The following GOLGA4 variants were observed in gnomAD, a reference collection of about 807,000 sequenced individuals.
GOLGA4 encodes golgin A4.
GOLGA4 carries 169 observed loss-of-function variants against 265.9 expected under a neutral mutation model. That is an observed-to-expected ratio of 0.64 (90% CI 0.56 to 0.72). The LOEUF is 0.72. Ranked by LOEUF, GOLGA4 falls within the 30% of genes least tolerant of loss-of-function variation. The pLI is 0.00. For synonymous variants in GOLGA4, 923 were observed against 855.8 expected, an observed-to-expected ratio of 1.08 and a Z score of -1.37; for missense variants, 2,482 against 2,483.4, an observed-to-expected ratio of 1.00 and a Z score of 0.01.
At chr3:37,299,663 A>G (rs1025548348) in intron 9 of GOLGA4, among the ~76,000 whole-genome samples, 1 of 152,232 alleles carries the variant, frequency 6.6e-6, no homozygotes, top group Non-Finnish European at 1.5e-5. Flanking sequence ...GAGAAAAGTT[A>G]TTTATAGTTA....
intron 1 of GOLGA4, among the ~76,000 whole-genome samples, chr3:37,248,558 A>G (rs1418673700): frequency 1.3e-5 from 2 of 152,184 alleles, no homozygotes; most frequent in African/African-American, 4.8e-5. Context: ...GCACTGTTAT[A>G]TACTTTATAC....
At chr3:37,254,784 G>A (rs1434009114) in intron 2 of GOLGA4, among the ~76,000 whole-genome samples, 1 of 150,456 alleles carries the variant, frequency 6.6e-6, no homozygotes, top group African/African-American at 2.4e-5. Flanking sequence ...TTACGGGCGC[G>A]AGCCACTGTG....
At chr3:37,354,847 A>G (rs1257526322) in intron 21 of GOLGA4, among the ~76,000 whole-genome samples, 1 of 152,170 alleles carries the variant, frequency 6.6e-6, no homozygotes, top group East Asian at 1.9e-4. Context: ...GGCCAAGAGC[A>G]TTAGAATTTT....
chr3:37,288,680 A>T (rs2096856898), intron 4 of GOLGA4, among the ~76,000 whole-genome samples: 2 of 150,728 alleles, frequency 1.3e-5, no homozygotes, highest in Non-Finnish European at 3.0e-5. Context: ...GGGTTTCACC[A>T]TATTAGCCAG....
intron 19 of GOLGA4, 55 bp from the exon 20 acceptor site, chr3:37,340,069 C>A: frequency 1.3e-6 from 1 of 744,816 alleles, no homozygotes; most frequent in East Asian, 2.8e-5. Context: ...CTTTCTTTTT[C>A]TTACATACAG....
Position 37,326,472 on chromosome 3 carries a change from A to G in GOLGA4, c.4586A>G (p.Glu1529Gly), listed in dbSNP as rs2096971135. 1.2e-6 allele frequency: 2 copies of G among 1,609,394 alleles called. No individual in the cohort carries two copies. Among genetic ancestry groups the G allele is most frequent in the Non-Finnish European group, 1.7e-6 (2 of 1,177,946 alleles). The change falls in exon 14 of 24, where the codon GAA becomes GGA. Residue 1529 changes from glutamate (E) to glycine (G), a missense_variant. This residue lies in a region of GOLGA4 where 942 missense variants were observed against 983.1 expected (regional missense o/e 0.96). Transcript: ENST00000361924. The part of the protein sequence containing the change: ...ELKSQTARIM[E>G]LEDHITQKTI... ...AAGTCTCAAACAGCAAGAATTATGG[A>G]ATTAGAGGACCATATTACCCAGAAA... is the stretch of plus-strand genomic sequence containing the variant.
chr3:37,299,548 T>C (rs2096887409), intron 9 of GOLGA4, among the ~76,000 whole-genome samples, 177 bp downstream of exon 9: 1 of 152,226 alleles, frequency 6.6e-6, no homozygotes, highest in South Asian at 2.1e-4. Context: ...TTGTGTCATG[T>C]AAAACTGATT....
At chr3:37,247,266 A>T (rs1295166954) in intron 1 of GOLGA4, among the ~76,000 whole-genome samples, 1 of 152,206 alleles carries the variant, frequency 6.6e-6, no homozygotes, top group East Asian at 1.9e-4. Context: ...TGCTGTGACT[A>T]ATCCATAGGT....
At chr3:37,288,240 T>C (rs1052408541) in intron 4 of GOLGA4, among the ~76,000 whole-genome samples, 7 of 151,226 alleles carry the variant, frequency 4.6e-5, no homozygotes, top group African/African-American at 1.5e-4. Context: ...TAGCTGGGAC[T>C]ACAGGCACGC....
At chr3:37,344,674 G>A (rs543751310) in intron 20 of GOLGA4, among the ~76,000 whole-genome samples, 4 of 152,002 alleles carry the variant, frequency 2.6e-5, no homozygotes, top group Non-Finnish European at 5.9e-5. Flanking sequence ...AAGTCTTGAT[G>A]TCTGGCTGGG....
chr3:37,340,161 A>G lies in GOLGA4; in HGVS notation c.6434A>G (p.Lys2145Arg). The change falls in exon 20 of 24, where the codon AAG becomes AGG. Residue 2145 changes from lysine to arginine, a missense_variant. Lys to Arg is a conservative substitution (Grantham distance 26, BLOSUM62 2). Coordinates refer to ENST00000361924, the MANE Select transcript of GOLGA4 (RefSeq NM_002078.5). ...GAAGACCGTTTGAAGAAATATGAAA[A>G]GAATGTATATGCAACAACTGTGGGG... ...NLEDRLKKYE[K>R]NVYATTVGTP... 1 of 1,436,682 alleles carries G rather than the reference A, an allele frequency of 7.0e-7. No individual in the cohort carries two copies. The highest frequency in any genetic ancestry group is 9.7e-7 in the Non-Finnish European group (1 of 1,032,074). The allele number at this position is 1,436,682 out of a possible 1,614,324, so 89.0% of individuals were successfully genotyped here.
At chr3:37,262,228 G>T (rs1047007424) in intron 2 of GOLGA4, among the ~76,000 whole-genome samples, 6 of 152,104 alleles carry the variant, frequency 3.9e-5, no homozygotes, top group African/African-American at 1.4e-4. Context: ...GAAATTGGCC[G>T]GGCGTGGTGG....
intron 4 of GOLGA4, chr3:37,287,422 A>G (rs891920107): frequency 2.6e-5 from 4 of 152,230 alleles, no homozygotes; most frequent in African/African-American, 9.6e-5. Context: ...ATAGGCAAAT[A>G]TCTTTTCAAT....
chr3:37,265,694 A>T (rs1018338468), intron 2 of GOLGA4, among the ~76,000 whole-genome samples: 1 of 151,880 alleles, frequency 6.6e-6, no homozygotes, highest in Admixed American at 6.6e-5. Flanking sequence ...GTTTCCTCCT[A>T]CCCCCACTGT....
intron 21 of GOLGA4, 100 bp from the exon 22 acceptor site, chr3:37,355,001 T>A (rs2097086526): frequency 4.2e-6 from 3 of 711,006 alleles, no homozygotes. Context: ...TGGCTTTCAT[T>A]GAGAGCACTA....
intron 22 of GOLGA4, among the ~76,000 whole-genome samples, chr3:37,356,464 GTTT>G: frequency 6.6e-6 from 1 of 152,126 alleles, no homozygotes; most frequent in South Asian, 2.1e-4. Context: ...GCATTTAATT[GTTT>G]TTTGTAAAAA....
chr3:37,258,005 ACATACATATATATATG>A (rs2096756544), intron 2 of GOLGA4, among the ~76,000 whole-genome samples: 4 of 75,962 alleles, frequency 5.3e-5, no homozygotes, highest in Admixed American at 4.5e-4. Context: ...ATGTATATAT[ACATACATATATATATG>A]TATGTATATA....
At chr3:37,305,379 T>C (rs2096903421) in intron 10 of GOLGA4, among the ~76,000 whole-genome samples, 1 of 152,234 alleles carries the variant, frequency 6.6e-6, no homozygotes, top group Non-Finnish European at 1.5e-5. Flanking sequence ...AGATAATGCC[T>C]TTTACATCTA....
Position 37,302,219 on chromosome 3 carries a change from A to G in GOLGA4, c.1121A>G (p.His374Arg), listed in dbSNP as rs2096894878. Residue 374 changes from histidine (H) to arginine (R), a missense_variant, in exon 10 of 24, where the codon CAT becomes CGT. Coordinates refer to ENST00000361924, the MANE Select transcript of GOLGA4 (RefSeq NM_002078.5). ...MVIAETKRQM[H>R]ETLEMKEEEI... is the part of the protein sequence containing the mutation. ...ATCGCAGAGACAAAACGTCAGATGC[A>G]TGAAACCCTGGAAATGAAAGAAGAA... 3 of 1,613,530 alleles carry G rather than the reference A, an allele frequency of 1.9e-6. No individual in the cohort carries two copies. The highest frequency in any genetic ancestry group is 2.5e-6 in the Non-Finnish European group (3 of 1,179,464).
Sources: allele counts gnomAD v4.1 joint callset (sites outside exome capture counted in the v4.1 genomes callset), GRCh38; gene constraint gnomAD v4.1.1; regional missense constraint gnomAD v4.1.1; transcripts MANE v1.5; gene names NCBI Gene and HGNC (gene_info 2026-07-23, HGNC 2026-07-21).